VWDE: variants seen among roughly 807,000 people sequenced by gnomAD.
VWDE encodes von Willebrand factor D and EGF domains.
A neutral mutation model predicts 178.4 loss-of-function variants in VWDE; 207 were observed. That is an observed-to-expected ratio of 1.16 (90% CI 1.04 to 1.30). The LOEUF is 1.30. VWDE is among the 50% of genes most tolerant of loss of function. The pLI, the probability that VWDE is intolerant of heterozygous loss-of-function variation, is 0.00. For synonymous variants in VWDE, 738 were observed against 651.4 expected, an observed-to-expected ratio of 1.13 and a Z score of -2.02; for missense variants, 2,287 against 1,901.3, an observed-to-expected ratio of 1.20 and a Z score of -3.77.
chr7:12,361,587 C>T (rs1562485792), intron 13 of VWDE, 66 bp from the exon 14 acceptor site: 2 of 1,387,966 alleles, frequency 1.4e-6, no homozygotes, highest in Middle Eastern at 1.8e-4. Flanking sequence ...TAGTAAATTA[C>T]ATATAATGAA....
rs79222040 is a variant in VWDE, at chr7:12,336,140, C to A, written c.4654+1G>T. The A allele has an allele frequency of 6.5e-7, 1 of 1,549,118 alleles. No homozygotes were observed. The highest frequency in any genetic ancestry group is 8.7e-7 in the Non-Finnish European group (1 of 1,145,842). ...GTAGGAAAAACATCCTGTGGGCTTA[C>A]GTATTTGACACCGCACTCCTTCCCA... On this transcript the variant is annotated splice_donor_variant, in intron 27 of 28. Transcript: ENST00000275358. LOFTEE classifies it high-confidence loss of function.
rs1013411604 is a variant in VWDE, at chr7:12,343,871, T to C, written c.4078+324A>G. ...TATTTGAACCATATTTGGTAGATCA[T>C]TCAATAGCTGTCTTTGCTTGAAGCT... On this transcript the variant is annotated intron_variant, in intron 21 of 28. Coordinates refer to ENST00000275358, the MANE Select transcript of VWDE (RefSeq NM_001135924.3). Among the ~76,000 whole-genome samples, 5 of 152,274 alleles carry C rather than the reference T, an allele frequency of 3.3e-5. No individual in the cohort carries two copies. The South Asian group carries it at 6.2e-4, about 19-fold the overall frequency.
In VWDE at chr7:12,346,918, AC is replaced by A. The variant is rs1426331470; in HGVS notation, c.3887-2450del. Among the ~76,000 whole-genome samples the A allele has an allele frequency of 6.6e-5, 10 of 152,266 alleles. No individual in the cohort carries two copies. The South Asian group carries it at 1.4e-3, about 22-fold the overall frequency. The stretch of plus-strand genomic sequence containing the variant: ...ACCAGAAAAAGACAGAAGAAAATGA[AC>A]CAAAAACAACAAAAATAATCCTTAA... On this transcript the variant is annotated intron_variant, in intron 19 of 28. Transcript: ENST00000275358.
intron 2 of VWDE, among the ~76,000 whole-genome samples, chr7:12,390,603 T>C (rs552244721): frequency 1.3e-5 from 2 of 151,770 alleles, no homozygotes; most frequent in Non-Finnish European, 1.5e-5. Flanking sequence ...TAGTACTATA[T>C]TGTGTTATAT....
chr7:12,370,770 G>C lies in VWDE; in HGVS notation c.1682C>G (p.Thr561Ser). ...IRAPSVDYRNTLGLCGTFDEN... is the reference protein window; with the variant it reads ...IRAPSVDYRNSLGLCGTFDEN... The stretch of plus-strand genomic sequence containing the variant: ...ATCAAAGGTTCCACAAAGTCCCAGA[G>C]TGTTTCTGTAATCTACACTAGGGGC... The change falls in exon 11 of 29, where the codon ACT (threonine) becomes AGT (serine). Residue 561 changes from threonine to serine, a missense_variant. Transcript: ENST00000275358. The C allele has an allele frequency of 6.5e-7, 1 of 1,550,104 alleles. No homozygotes were observed. Among genetic ancestry groups the C allele is most frequent in the Admixed American group, 2.0e-5 (1 of 50,818 alleles).
At chr7:12,336,005 C>T in intron 27 of VWDE, 136 bp downstream of exon 27, 11 of 716,612 alleles carry the variant, frequency 1.5e-5, no homozygotes, top group Middle Eastern at 3.6e-4. Flanking sequence ...TGTTTTATAT[C>T]TAAAATCATT....
At chr7:12,401,064 C>T (rs1583365881) in intron 1 of VWDE, among the ~76,000 whole-genome samples, 1 of 152,158 alleles carries the variant, frequency 6.6e-6, no homozygotes, top group Middle Eastern at 3.4e-3. Flanking sequence ...GTTTCCTCAA[C>T]TTGATAAAGG....
chr7:12,345,425 A>C (rs1781551181), intron 19 of VWDE, among the ~76,000 whole-genome samples: 1 of 152,154 alleles, frequency 6.6e-6, no homozygotes, highest in African/African-American at 2.4e-5. Flanking sequence ...TAATACCCAA[A>C]GGGGCAGCGT....
At chr7:12,378,915 G>GTGCT (rs1783684121) in intron 6 of VWDE, among the ~76,000 whole-genome samples, 2 of 152,236 alleles carry the variant, frequency 1.3e-5, no homozygotes, top group South Asian at 4.1e-4. Flanking sequence ...CAGGTTCACC[G>GTGCT]TGCTTGCCTG....
intron 28 of VWDE, among the ~76,000 whole-genome samples, chr7:12,332,691 T>C (rs17165862): frequency 0.08 from 12,207 of 152,234 alleles, 647 homozygotes; most frequent in East Asian, 0.19. Flanking sequence ...AGCCCTATTA[T>C]GATCTGGTTA....
At chr7:12,388,596 C>A (rs1784219287) in intron 3 of VWDE, among the ~76,000 whole-genome samples, 1 of 152,110 alleles carries the variant, frequency 6.6e-6, no homozygotes, top group Non-Finnish European at 1.5e-5. Context: ...TTACTTTAAT[C>A]TTTGAATCAT....
chr7:12,356,858 T>C (rs1220640808), intron 17 of VWDE, among the ~76,000 whole-genome samples: 1 of 152,224 alleles, frequency 6.6e-6, no homozygotes, highest in Non-Finnish European at 1.5e-5. Context: ...AAAGGAATTA[T>C]AGTTGCCAAT....
At chr7:12,351,978 A>G (rs1781969219) in intron 18 of VWDE, among the ~76,000 whole-genome samples, 1 of 152,142 alleles carries the variant, frequency 6.6e-6, no homozygotes, top group African/African-American at 2.4e-5. Flanking sequence ...ATAAAATGAG[A>G]TCATAAGAGT....
chr7:12,338,692 T>C (rs561392527), intron 24 of VWDE, among the ~76,000 whole-genome samples: 4 of 152,134 alleles, frequency 2.6e-5, no homozygotes, highest in Non-Finnish European at 4.4e-5. Context: ...ATGAGATCTA[T>C]AGGCCTCATT....
intron 18 of VWDE, among the ~76,000 whole-genome samples, chr7:12,353,463 T>C: frequency 6.6e-6 from 1 of 152,148 alleles, no homozygotes; most frequent in South Asian, 2.1e-4. Flanking sequence ...ATGCAAATTC[T>C]ACACACCCAT....
At chr7:12,354,364 C>T (rs1782106690) in intron 18 of VWDE, 1 of 427,774 alleles carries the variant, frequency 2.3e-6, no homozygotes, top group South Asian at 1.7e-5. Context: ...GCATATTTTT[C>T]CATCCCCATA....
intron 27 of VWDE, among the ~76,000 whole-genome samples, chr7:12,335,435 A>G (rs567979339): frequency 6.6e-6 from 1 of 152,212 alleles, no homozygotes; most frequent in Admixed American, 6.5e-5. Context: ...GGTGAAATTT[A>G]GAGTGACTAT....
At chr7:12,357,128 G>T in intron 17 of VWDE, 137 bp downstream of exon 17, 1 of 1,133,916 alleles carries the variant, frequency 8.8e-7, no homozygotes, top group Non-Finnish European at 1.2e-6. Flanking sequence ...CAAAGTTTCG[G>T]CAGTTTAATT....
At chr7:12,336,052 CT>C (rs1348720609) in intron 27 of VWDE, 88 bp downstream of exon 27, 1 of 1,180,234 alleles carries the variant, frequency 8.5e-7, no homozygotes, top group Non-Finnish European at 1.2e-6. Flanking sequence ...TTTTTTCCCC[CT>C]TATGGACTTG....
Sources: allele counts gnomAD v4.1 joint callset (sites outside exome capture counted in the v4.1 genomes callset), GRCh38; gene constraint gnomAD v4.1.1; transcripts MANE v1.5; gene names NCBI Gene and HGNC (gene_info 2026-07-23, HGNC 2026-07-21).